The following GPR55 variants were observed in gnomAD, a reference collection of about 807,000 sequenced individuals.
The protein encoded by GPR55 is G-protein coupled receptor 55.
Under a neutral mutation model 7.9 loss-of-function variants are expected in GPR55, and 6 were observed. The ratio of observed to expected loss-of-function variants is 0.76; its 90% CI spans 0.41 to 1.49. The LOEUF (loss-of-function observed/expected upper bound fraction) is 1.49. Among genes scored for constraint, GPR55 ranks in the 40% most tolerant of loss-of-function variants. The probability of loss-of-function intolerance (pLI) is 0.01; values close to 1 mark genes in which losing one functional copy is unlikely to be tolerated. For missense variants in GPR55, 376 were observed against 406.0 expected, an observed-to-expected ratio of 0.93 and a Z score of 0.63; for synonymous variants, 183 against 166.8, an observed-to-expected ratio of 1.10 and a Z score of -0.75.
In GPR55 at chr2:230,910,496, A is replaced by T. The variant is rs754105136; in HGVS notation, c.467T>A (p.Ile156Asn). 6.2e-7 allele frequency: 1 copy of T among 1,614,138 alleles called. No homozygotes were observed. Among genetic ancestry groups the T allele is most frequent in the African/African-American group, 1.3e-5 (1 of 75,018 alleles). Residue 156 changes from isoleucine (I) to asparagine (N), a missense_variant, in exon 2 of 2, where the codon ATC becomes AAC. By Grantham distance (149) the Ile-to-Asn change is moderately radical. Transcript: ENST00000650999. The surrounding 1 kb of genome is among the most constrained non-coding windows in gnomAD (Gnocchi z 5.4). ...TTCCACTTTCCCATGGAAACTGTAG[A>T]TAGGGATGCTTCCGGTCCACACCAG... is the stretch of plus-strand genomic sequence containing the variant. ...WVLVWTGSIP[I>N]YSFHGKVEKY...
At chr2:230,921,856 G>A (rs1428002791) in intron 1 of GPR55, among the ~76,000 whole-genome samples, 2 of 152,228 alleles carry the variant, frequency 1.3e-5, no homozygotes, top group Non-Finnish European at 2.9e-5. Context: ...GAAAGGCCTA[G>A]AGATGCTCCT....
At chr2:230,930,757 G>A (rs755946589) in intron 1 of GPR55, among the ~76,000 whole-genome samples, 20 of 152,108 alleles carry the variant, frequency 1.3e-4, no homozygotes, top group Non-Finnish European at 2.2e-4. Context: ...AAGCCACTGC[G>A]CCTGGCTCAG....
In GPR55 at chr2:230,938,430, T is replaced by C. The variant is rs1204829136; in HGVS notation, c.-135+22345A>G. On this transcript the variant is annotated intron_variant, in intron 1 of 1. Transcript: ENST00000392039. Reference sequence around the variant, plus strand: ...AAAAAAAAACAAAGAAAGAAAATCATTGAGCCATTCCTACAGAACCTGGTC... The same window carrying C: ...AAAAAAAAACAAAGAAAGAAAATCACTGAGCCATTCCTACAGAACCTGGTC... Among the ~76,000 whole-genome samples the C allele has an allele frequency of 5.3e-5, 8 of 151,896 alleles. No homozygotes were observed. The South Asian group carries it at 1.0e-3, about 20-fold the overall frequency.
At chr2:230,947,452 A>G (rs1317605978) in intron 1 of GPR55, among the ~76,000 whole-genome samples, 1 of 151,334 alleles carries the variant, frequency 6.6e-6, no homozygotes, top group East Asian at 1.9e-4. Flanking sequence ...AATAAAGCCC[A>G]TCCCATACTC....
intron 1 of GPR55, among the ~76,000 whole-genome samples, chr2:230,950,816 C>G (rs1407982235): frequency 6.6e-6 from 1 of 152,144 alleles, no homozygotes; most frequent in East Asian, 1.9e-4. Flanking sequence ...TATCTTCCCC[C>G]GCCTTTCTGA....
intron 1 of GPR55, among the ~76,000 whole-genome samples, chr2:230,939,860 C>T (rs1321834065): frequency 6.6e-6 from 1 of 152,054 alleles, no homozygotes; most frequent in Non-Finnish European, 1.5e-5. Flanking sequence ...CCTCCCCACC[C>T]AGGGGCAAGC....
intron 1 of GPR55, among the ~76,000 whole-genome samples, chr2:230,950,690 C>T (rs966602909): frequency 4.6e-5 from 7 of 152,156 alleles, no homozygotes; most frequent in South Asian, 2.1e-4. Flanking sequence ...TGGCTCGGAA[C>T]CCCCATAGTC....
chr2:230,940,632 G>C (rs1691210948), intron 1 of GPR55, among the ~76,000 whole-genome samples: 1 of 152,186 alleles, frequency 6.6e-6, no homozygotes, highest in Non-Finnish European at 1.5e-5. Flanking sequence ...GGGGTCACTG[G>C]GCCAGGATTC....
In GPR55 at chr2:230,911,065, TCA is replaced by T. The variant is rs1690582732; in HGVS notation, c.-105_-104del. The T allele has an allele frequency of 1.7e-6, 2 of 1,183,368 alleles. No individual in the cohort carries two copies. Among genetic ancestry groups the T allele is most frequent in the East Asian group, 4.7e-5 (2 of 42,448 alleles). The allele number at this position is 1,183,368 out of a possible 1,614,324, so 73.3% of individuals were successfully genotyped here. ...AAGAATCACAAACACCTCCCCAGCA[TCA>T]CACAGCAATTCATGCCCATTGAATC... is the stretch of plus-strand genomic sequence containing the variant. On this transcript the variant is annotated 5_prime_UTR_variant, in exon 2 of 2. The change abolishes the stop of an existing upstream ORF in the 5' untranslated region. Coordinates refer to ENST00000650999, the MANE Select transcript of GPR55 (RefSeq NM_005683.4).
At chr2:230,954,450 G>A (rs868664132) in intron 1 of GPR55, among the ~76,000 whole-genome samples, 1 of 152,134 alleles carries the variant, frequency 6.6e-6, no homozygotes, top group Non-Finnish European at 1.5e-5. Context: ...GCCACTGGCC[G>A]AAGCCTCCCG....
At chr2:230,920,120 C>A (rs751728459) in intron 1 of GPR55, among the ~76,000 whole-genome samples, 60 of 146,112 alleles carry the variant, frequency 4.1e-4, no homozygotes, top group Middle Eastern at 3.4e-3. Context: ...GTGTGCTTTT[C>A]TAATTAGTTA....
Position 230,934,588 on chromosome 2 carries a change from G to A in GPR55, c.-134-23492C>T, listed in dbSNP as rs150287736. The stretch of plus-strand genomic sequence containing the variant: ...TTAGAGCCCGGCCGCCTCCCTCCCC[G>A]GGGCCCACTCCATGCTGACTCCTGG... On this transcript the variant is annotated intron_variant, in intron 1 of 1. Transcript: ENST00000392039. Among the ~76,000 whole-genome samples the A allele has an allele frequency of 3.9e-3, 598 of 152,280 alleles. 1 individual carries two copies. The highest frequency in any genetic ancestry group is 0.013 in the African/African-American group (552 of 41,566).
chr2:230,936,828 CTCAAGTTG>C (rs1025679372), intron 1 of GPR55, among the ~76,000 whole-genome samples: 33 of 152,276 alleles, frequency 2.2e-4, no homozygotes, highest in African/African-American at 7.0e-4. Flanking sequence ...TGAGGTATTA[CTCAAGTTG>C]TCAAAAGCTG....
At chr2:230,960,127 A>C (rs1213175331) in intron 1 of GPR55, among the ~76,000 whole-genome samples, 2 of 152,224 alleles carry the variant, frequency 1.3e-5, no homozygotes, top group South Asian at 4.1e-4. Flanking sequence ...AATTCAACTG[A>C]TGACCCGTTG....
chr2:230,946,914 A>G (rs1297222777), intron 1 of GPR55, among the ~76,000 whole-genome samples: 1 of 152,244 alleles, frequency 6.6e-6, no homozygotes, highest in Non-Finnish European at 1.5e-5. Context: ...GACACACACC[A>G]AACTAGAGAG....
chr2:230,957,522 C>A (rs1292612575), intron 1 of GPR55: 1 of 363,704 alleles, frequency 2.7e-6, no homozygotes, highest in Non-Finnish European at 5.3e-6. Context: ...CGGGGAGGGG[C>A]GCGGCTGGCC....
intron 1 of GPR55, among the ~76,000 whole-genome samples, chr2:230,955,987 A>G (rs1691475842): frequency 6.6e-6 from 1 of 151,982 alleles, no homozygotes; most frequent in South Asian, 2.1e-4. Context: ...TCAGCCTCCC[A>G]AAGTGCTGAG....
chr2:230,936,746 G>C (rs1409615858), intron 1 of GPR55, among the ~76,000 whole-genome samples: 1 of 152,150 alleles, frequency 6.6e-6, no homozygotes, highest in Non-Finnish European at 1.5e-5. Context: ...AACCCTTGAG[G>C]CCAGGATTAT....
chr2:230,913,931 CA>C (rs1312434364), intron 1 of GPR55, among the ~76,000 whole-genome samples: 1 of 152,166 alleles, frequency 6.6e-6, no homozygotes, highest in African/African-American at 2.4e-5. Context: ...TAAAGAGATC[CA>C]ATAAGATTTT....
Sources: allele counts gnomAD v4.1 joint callset (sites outside exome capture counted in the v4.1 genomes callset), GRCh38; gene constraint gnomAD v4.1.1; non-coding constraint Gnocchi (gnomAD v3.1); transcripts MANE v1.5; gene names NCBI Gene and HGNC (gene_info 2026-07-23, HGNC 2026-07-21).